The following GRIP1 variants were observed in gnomAD, a reference collection of about 807,000 sequenced individuals.
GRIP1 encodes the protein glutamate receptor-interacting protein 1.
Under a neutral mutation model 129.9 loss-of-function variants are expected in GRIP1, and 45 were observed. The ratio of observed to expected loss-of-function variants is 0.35; its 90% CI spans 0.27 to 0.44. GRIP1 has a LOEUF of 0.44. Ranked by LOEUF, GRIP1 falls within the 20% of genes least tolerant of loss-of-function variation. The pLI is 1.00. For missense variants in GRIP1, 1,196 were observed against 1,396.8 expected (o/e 0.86, Z 2.29); for synonymous variants, 530 against 520.8 (o/e 1.02, Z -0.24).
intron 1 of GRIP1, among the ~76,000 whole-genome samples, chr12:66,623,872 A>G (rs1219689868): frequency 6.6e-6 from 1 of 152,178 alleles, no homozygotes; most frequent in Non-Finnish European, 1.5e-5. Context: ...GTAGCTCCAC[A>G]TAACATTTTA....
intron 22 of GRIP1, chr12:66,372,327 T>C (rs1000192321): frequency 1.5e-4 from 45 of 296,190 alleles, no homozygotes; most frequent in African/African-American, 9.8e-4. Context: ...AATTAAGAAC[T>C]TCTCAATGGA....
intron 1 of GRIP1, among the ~76,000 whole-genome samples, chr12:66,684,322 G>A (rs1041438815): frequency 2.0e-5 from 3 of 152,142 alleles, no homozygotes; most frequent in Non-Finnish European, 4.4e-5. Context: ...AACATTTTCT[G>A]TCATTACAAT....
At chr12:66,668,937 A>G (rs2033935314) in intron 1 of GRIP1, among the ~76,000 whole-genome samples, 1 of 152,052 alleles carries the variant, frequency 6.6e-6, no homozygotes, top group African/African-American at 2.4e-5. Flanking sequence ...CAACAGAGAG[A>G]CCCTGTCTCA....
At chr12:66,980,383 C>G (rs191716369) in intron 1 of GRIP1, among the ~76,000 whole-genome samples, 1 of 152,058 alleles carries the variant, frequency 6.6e-6, no homozygotes, top group Non-Finnish European at 1.5e-5. Flanking sequence ...GAGGCTGAGG[C>G]GGGTGAGTTA....
intron 1 of GRIP1, among the ~76,000 whole-genome samples, chr12:66,897,895 G>T (rs1277928322): frequency 6.6e-6 from 1 of 152,076 alleles, no homozygotes; most frequent in Non-Finnish European, 1.5e-5. Context: ...GCCACAAATT[G>T]CTAGGATCCA....
rs759524949 is a variant in GRIP1 at position 66,541,837 on chromosome 12, G to A, written c.250C>T (p.Arg84Trp). 7.4e-6 allele frequency: 12 copies of A among 1,613,786 alleles called. No individual in the cohort carries two copies. Among genetic ancestry groups the A allele is most frequent in the African/African-American group, 2.7e-5 (2 of 74,902 alleles). The change falls in exon 3 of 25, where the codon CGG becomes TGG. Residue 84 changes from arginine to tryptophan, a missense_variant. Coordinates refer to ENST00000359742, the MANE Select transcript of GRIP1 (RefSeq NM_001366722.1). ...KDGKPRVSNL[R>W]QGGIAARSDQ... ...TACCTAGCAGCAATTCCTCCTTGCC[G>A]CAGATTAGATACTCTTGGCTTGCCA...
chr12:66,914,481 A>T (rs907617046), intron 1 of GRIP1, among the ~76,000 whole-genome samples: 16 of 152,240 alleles, frequency 1.1e-4, no homozygotes, highest in Non-Finnish European at 4.4e-5. Flanking sequence ...ATAATTAAAA[A>T]TGGCCAAAAC....
chr12:66,520,630 C>A (rs188952334), intron 5 of GRIP1, among the ~76,000 whole-genome samples: 53 of 152,288 alleles, frequency 3.5e-4, no homozygotes, highest in East Asian at 2.7e-3. Context: ...TGGATATACA[C>A]ACAGATAGTG....
At chr12:66,461,545 T>C (rs2059137199) in intron 9 of GRIP1, among the ~76,000 whole-genome samples, 1 of 152,224 alleles carries the variant, frequency 6.6e-6, no homozygotes, top group Admixed American at 6.5e-5. Context: ...AATACTGTGA[T>C]GCTGATTTTC....
intron 7 of GRIP1, among the ~76,000 whole-genome samples, chr12:66,505,275 A>G (rs2060497279): frequency 6.6e-6 from 1 of 152,180 alleles, no homozygotes; most frequent in Admixed American, 6.6e-5. Context: ...TGCTGTCTTG[A>G]AGATGGAGGG....
At chr12:66,597,464 C>A (rs550207372) in intron 1 of GRIP1, among the ~76,000 whole-genome samples, 1 of 152,184 alleles carries the variant, frequency 6.6e-6, no homozygotes, top group Non-Finnish European at 1.5e-5. Context: ...TGTGAACTGG[C>A]AGCCAGTGCA....
chr12:67,056,076 G>C (rs1204661982), intron 1 of GRIP1, among the ~76,000 whole-genome samples: 1 of 152,120 alleles, frequency 6.6e-6, no homozygotes, highest in East Asian at 1.9e-4. Flanking sequence ...ATGAGTTCTT[G>C]ATAGTATAGT....
chr12:66,997,474 C>T lies in GRIP1; in HGVS notation c.58+71576G>A, dbSNP rs541961770. 5.3e-4 allele frequency among the ~76,000 whole-genome samples: 81 copies of T among 152,052 alleles called. 1 individual carries two copies. The highest frequency in any genetic ancestry group is 1.8e-3 in the African/African-American group (73 of 41,504). ...AAGTAGGTAGTAAAATTAAAAAGTG[C>T]TTTAAAATAAATTAAGTTCTCACCA... is the stretch of plus-strand genomic sequence containing the variant. On this transcript the variant is annotated intron_variant, in intron 1 of 1. Coordinates refer to the GRIP1 transcript ENST00000643019.
At chr12:67,037,453 T>C (rs1428435240) in intron 1 of GRIP1, 7 of 151,710 alleles carry the variant, frequency 4.6e-5, no homozygotes. Context: ...TGTTTCAAAA[T>C]GCTTTCTCAA....
At chr12:67,038,449 T>C (rs529609052) in intron 1 of GRIP1, among the ~76,000 whole-genome samples, 1 of 152,344 alleles carries the variant, frequency 6.6e-6, no homozygotes, top group African/African-American at 2.4e-5. Flanking sequence ...AGTTTCACAA[T>C]GTACATTGAT....
chr12:66,439,672 A>G (rs1184018919), intron 13 of GRIP1, among the ~76,000 whole-genome samples: 1 of 152,198 alleles, frequency 6.6e-6, no homozygotes, highest in Non-Finnish European at 1.5e-5. Context: ...AAACAATTTG[A>G]TGCACACACC....
At chr12:66,683,259 G>A (rs1471268251), upstream of GRIP1, among the ~76,000 whole-genome samples, 1 of 152,022 alleles carries the variant, frequency 6.6e-6, no homozygotes, top group Non-Finnish European at 1.5e-5. Context: ...AAGCAACCAT[G>A]AGCTCAAACA....
chr12:66,426,704 C>T (rs1198834185), intron 14 of GRIP1, among the ~76,000 whole-genome samples: 1 of 151,990 alleles, frequency 6.6e-6, no homozygotes, highest in Admixed American at 6.6e-5. Flanking sequence ...CTTGGTGTAC[C>T]CAAGTAGGGC....
intron 1 of GRIP1, among the ~76,000 whole-genome samples, chr12:66,638,498 C>G (rs942910505): frequency 6.6e-6 from 1 of 152,168 alleles, no homozygotes; most frequent in East Asian, 1.9e-4. Context: ...TGTACTGTTT[C>G]TTACTGCCCC....
Sources: gnomAD v4.1 joint callset for allele counts (sites outside exome capture counted in the v4.1 genomes callset) on GRCh38, gnomAD v4.1.1 for gene constraint, MANE v1.5 for transcripts, NCBI Gene and HGNC (gene_info 2026-07-23, HGNC 2026-07-21) for gene names.